SAP30L: variants seen among roughly 807,000 people sequenced by gnomAD.
SAP30L encodes histone deacetylase complex subunit SAP30L.
A neutral mutation model predicts 22.3 loss-of-function variants in SAP30L; 10 were observed. The ratio of observed to expected loss-of-function variants is 0.45; its 90% CI spans 0.28 to 0.76. The LOEUF is 0.76. SAP30L is among the 30% of genes least tolerant of loss of function. The pLI is 0.14. For missense variants in SAP30L, 206 were observed against 237.9 expected (o/e 0.87, Z 0.88); for synonymous variants, 91 against 94.1 (o/e 0.97, Z 0.19).
chr5:154,451,429 C>G (rs941129078), intron 2 of SAP30L: 14 of 580,560 alleles, frequency 2.4e-5, no homozygotes, highest in African/African-American at 5.6e-5. Flanking sequence ...CAGACAGGCA[C>G]AGAGAGCCGA....
chr5:154,449,885 A>G (rs142735230), intron 1 of SAP30L, among the ~76,000 whole-genome samples: 16 of 152,334 alleles, frequency 1.1e-4, no homozygotes, highest in African/African-American at 3.1e-4. Context: ...GCAAGACACC[A>G]TCACAGTATA....
chr5:154,453,598 T>C lies in SAP30L; in HGVS notation c.423+98T>C, dbSNP rs1467736187. 20 of 861,634 alleles carry C rather than the reference T, an allele frequency of 2.3e-5. No individual in the cohort carries two copies. The East Asian group carries it at 2.5e-4, about 11-fold the overall frequency. The allele number at this position is 861,634 out of a possible 1,614,324, so 53.4% of individuals were successfully genotyped here. On this transcript the variant is annotated intron_variant, in intron 3 of 3. Coordinates refer to ENST00000297109, the MANE Select transcript of SAP30L (RefSeq NM_024632.6). ...TACCTTGTGTGTCTGCTAATTGTAA[T>C]TTCCTCCAGAGTTCTGGAAGCAACT...
chr5:154,454,923 T>A (rs1757231767), intron 3 of SAP30L, among the ~76,000 whole-genome samples: 1 of 147,454 alleles, frequency 6.8e-6, no homozygotes, highest in Non-Finnish European at 1.5e-5. Context: ...TTAACACAAT[T>A]TTTTTTTTTT....
chr5:154,451,211 G>T lies in SAP30L; in HGVS notation c.322G>T (p.Glu108Ter). 1 of 1,613,382 alleles carries T rather than the reference G, an allele frequency of 6.2e-7. No homozygotes were observed. Among genetic ancestry groups the T allele is most frequent in the Non-Finnish European group, 8.5e-7 (1 of 1,179,824 alleles). Residue 108 changes from glutamate (E) to a stop codon, truncating the protein, a stop_gained and splice_region_variant, in exon 2 of 4, where the codon GAG (glutamate) becomes TAG (stop). Transcript: ENST00000297109. LOFTEE classifies it high-confidence loss of function. ...DSPEHDTDIP[E>*]VDLFQLQVNT... is the part of the protein sequence containing the mutation. ...TCCCGAGCACGACACTGACATTCCT[G>T]AGGTAAAGGTCAAAGAAACCAGTTG...
At chr5:154,448,500 G>A (rs2113268240) in intron 1 of SAP30L, among the ~76,000 whole-genome samples, 1 of 152,328 alleles carries the variant, frequency 6.6e-6, no homozygotes, top group South Asian at 2.1e-4. Context: ...ACGTTGAGGT[G>A]AAATGCTTAT....
chr5:154,446,843 C>G, intron 1 of SAP30L, 38 bp downstream of exon 1: 1 of 1,548,756 alleles, frequency 6.5e-7, no homozygotes, highest in East Asian at 2.4e-5. Context: ...CCCCGGCGCC[C>G]CCAGCTCTCC....
intron 1 of SAP30L, among the ~76,000 whole-genome samples, chr5:154,450,276 A>G (rs978444108): frequency 6.6e-6 from 1 of 152,218 alleles, no homozygotes; most frequent in African/African-American, 2.4e-5. Context: ...ACCTTCTTGT[A>G]TGTGGTTCTA....
At chr5:154,452,996 T>C (rs1467399975) in intron 2 of SAP30L, 1 of 169,424 alleles carries the variant, frequency 5.9e-6, no homozygotes, top group Non-Finnish European at 1.3e-5. Context: ...TGATAGCTCC[T>C]TCTGTTTTTC....
rs886604006 is a variant in SAP30L at position 154,458,827 on chromosome 5, A to T, written c.*2799A>T. 1.4e-4 allele frequency: 21 copies of T among 151,424 alleles called. No homozygotes were observed. The highest frequency in any genetic ancestry group is 3.9e-4 in the East Asian group (2 of 5,122). 9.4% of individuals were successfully genotyped at this position (151,424 alleles called of 1,614,324 possible). On this transcript the variant is annotated 3_prime_UTR_variant, in exon 4 of 4. Coordinates refer to ENST00000297109, the MANE Select transcript of SAP30L (RefSeq NM_024632.6). ...AACTCTTAGGTTGGCAACAGCATATAAAAAAAAAGATCACAGCTGAATCTC... is the reference window on the plus strand; with the variant it reads ...AACTCTTAGGTTGGCAACAGCATATTAAAAAAAAGATCACAGCTGAATCTC...
At position 154,456,182 on chromosome 5, in the gene SAP30L, C is replaced by A; in HGVS notation, c.*154C>A. 1 of 686,602 alleles carries A rather than the reference C, an allele frequency of 1.5e-6. No individual in the cohort carries two copies. Among genetic ancestry groups the A allele is most frequent in the Non-Finnish European group, 2.2e-6 (1 of 448,552 alleles). The allele number at this position is 686,602 out of a possible 1,614,324, so 42.5% of individuals were successfully genotyped here. On this transcript the variant is annotated 3_prime_UTR_variant, in exon 4 of 4. Transcript: ENST00000297109. ...TCTTTTTGGTCAGGAGGATTATATT[C>A]TCATGATTCAGCATGTGTATAGAAA...
chr5:154,451,436 C>T (rs1757139003), intron 2 of SAP30L: 2 of 566,084 alleles, frequency 3.5e-6, no homozygotes, highest in Non-Finnish European at 6.2e-6. Flanking sequence ...GCACAGAGAG[C>T]CGAGGTCATG....
rs563878297 is a variant in SAP30L, at chr5:154,457,150, T to A, written c.*1122T>A. 20 of 152,334 alleles carry A rather than the reference T, an allele frequency of 1.3e-4. No individual in the cohort carries two copies. In the East Asian group the frequency reaches 3.9e-3, roughly 29 times the overall value. 9.4% of individuals were successfully genotyped at this position (152,334 alleles called of 1,614,324 possible). On this transcript the variant is annotated 3_prime_UTR_variant, in exon 4 of 4. Transcript: ENST00000297109. Reference sequence around the variant, plus strand: ...TTGCCTCCCTCTTAGGGAGAAAGATTGCTAAAATAATTTTTGAAAATTACC... The same window carrying A: ...TTGCCTCCCTCTTAGGGAGAAAGATAGCTAAAATAATTTTTGAAAATTACC...
intron 1 of SAP30L, among the ~76,000 whole-genome samples, chr5:154,450,090 G>A (rs534567170): frequency 3.9e-5 from 6 of 152,184 alleles, no homozygotes; most frequent in Non-Finnish European, 7.3e-5. Flanking sequence ...CAGAACATTT[G>A]TGCAACAGCT....
chr5:154,446,886 C>G lies in SAP30L; in HGVS notation c.201+81C>G. 2.4e-6 allele frequency: 3 copies of G among 1,234,280 alleles called. No homozygotes were observed. The South Asian group carries it at 4.1e-5, about 17-fold the overall frequency. 76.5% of individuals were successfully genotyped at this position (1,234,280 alleles called of 1,614,324 possible). A position where few individuals can be genotyped will look rare whatever the true frequency, so the allele number is the denominator to read the frequency against. ...GCCCTGGGCTCCAGTCGGGACTCCCCGGGCACTCCCCGCCGTGGGCCTCGC... is the reference window on the plus strand; with the variant it reads ...GCCCTGGGCTCCAGTCGGGACTCCCGGGGCACTCCCCGCCGTGGGCCTCGC... On this transcript the variant is annotated intron_variant, in intron 1 of 3. Coordinates refer to ENST00000297109, the MANE Select transcript of SAP30L (RefSeq NM_024632.6).
chr5:154,454,808 A>G (rs981558017), intron 3 of SAP30L, among the ~76,000 whole-genome samples: 3 of 152,134 alleles, frequency 2.0e-5, no homozygotes, highest in Non-Finnish European at 4.4e-5. Context: ...TAAATGATGC[A>G]TTTTCCTTCA....
intron 1 of SAP30L, 71 bp downstream of exon 1, chr5:154,446,876 C>T: frequency 1.5e-6 from 2 of 1,320,026 alleles, no homozygotes; most frequent in South Asian, 1.3e-5. Flanking sequence ...GGGCTCCAGT[C>T]GGGACTCCCC....
chr5:154,449,012 C>G (rs1757085053), intron 1 of SAP30L, among the ~76,000 whole-genome samples: 1 of 152,092 alleles, frequency 6.6e-6, no homozygotes, highest in African/African-American at 2.4e-5. Flanking sequence ...TACCACCCTC[C>G]TGCCCCAACC....
intron 1 of SAP30L, among the ~76,000 whole-genome samples, chr5:154,449,011 C>T (rs560945360): frequency 3.3e-5 from 5 of 152,124 alleles, no homozygotes; most frequent in African/African-American, 7.2e-5. Flanking sequence ...CTACCACCCT[C>T]CTGCCCCAAC....
At chr5:154,449,323 C>A (rs1356506375) in intron 1 of SAP30L, among the ~76,000 whole-genome samples, 1 of 151,514 alleles carries the variant, frequency 6.6e-6, no homozygotes, top group East Asian at 1.9e-4. Context: ...AAGACATGTA[C>A]TGGGGGGGCA....
Sources: gnomAD v4.1 joint callset for allele counts (sites outside exome capture counted in the v4.1 genomes callset) on GRCh38, gnomAD v4.1.1 for gene constraint, MANE v1.5 for transcripts, NCBI Gene and HGNC (gene_info 2026-07-23, HGNC 2026-07-21) for gene names.